Variants in PTPRT observed in about 807,000 individuals in gnomAD.
PTPRT encodes the protein protein tyrosine phosphatase receptor type T.
A neutral mutation model predicts 176.8 loss-of-function variants in PTPRT; 56 were observed. The ratio of observed to expected loss-of-function variants is 0.32; its 90% confidence interval spans 0.26 to 0.40. PTPRT has a LOEUF of 0.40. PTPRT is among the 10% of genes least tolerant of loss of function. PTPRT has a pLI of 1.00. For synonymous variants in PTPRT, 783 were observed against 739.0 expected (o/e 1.06, Z -0.96); for missense variants, 1,540 against 1,908.2 (o/e 0.81, Z 3.60).
intron 7 of PTPRT, among the ~76,000 whole-genome samples, chr20:42,657,223 G>C (rs1440727194): frequency 6.6e-6 from 1 of 152,170 alleles, no homozygotes; most frequent in African/African-American, 2.4e-5. Context: ...CCTAAGCCCT[G>C]TGGAACAGGG....
At chr20:42,647,415 C>G (rs1357791412) in intron 7 of PTPRT, among the ~76,000 whole-genome samples, 1 of 151,420 alleles carries the variant, frequency 6.6e-6, no homozygotes, top group Non-Finnish European at 1.5e-5. Context: ...TATGCTGTAC[C>G]CCTGGTGTCC....
chr20:42,537,752 A>G (rs1211865038), intron 7 of PTPRT, among the ~76,000 whole-genome samples: 4 of 152,228 alleles, frequency 2.6e-5, no homozygotes, highest in African/African-American at 9.6e-5. Flanking sequence ...ATCACGGTCC[A>G]GCGAGAAAAG....
At chr20:42,288,309 T>C (rs908014846) in intron 12 of PTPRT, among the ~76,000 whole-genome samples, 6 of 151,370 alleles carry the variant, frequency 4.0e-5, no homozygotes, top group African/African-American at 9.7e-5. Flanking sequence ...TCTCTTAAAA[T>C]GTGGTCACAA....
intron 7 of PTPRT, among the ~76,000 whole-genome samples, chr20:42,645,064 A>G (rs1486255613): frequency 1.3e-5 from 2 of 152,136 alleles, no homozygotes; most frequent in Non-Finnish European, 2.9e-5. Flanking sequence ...TTCACAGTGC[A>G]ATTTGTCACG....
intron 2 of PTPRT, among the ~76,000 whole-genome samples, chr20:42,881,410 C>A (rs537794366): frequency 1.3e-5 from 2 of 152,096 alleles, no homozygotes; most frequent in Non-Finnish European, 2.9e-5. Context: ...CTTGAGGAGT[C>A]CTGTGAGCTG....
chr20:43,104,710 A>G (rs2012526174), intron 1 of PTPRT, among the ~76,000 whole-genome samples: 1 of 152,190 alleles, frequency 6.6e-6, no homozygotes, highest in Non-Finnish European at 1.5e-5. Context: ...GAGAAGACTA[A>G]CATGGCAGAC....
intron 9 of PTPRT, among the ~76,000 whole-genome samples, chr20:42,404,972 T>TTATATATATATATATATATATTTA (rs200602736): frequency 1.3e-5 from 1 of 77,956 alleles, no homozygotes; most frequent in Non-Finnish European, 2.7e-5. Flanking sequence ...GGCCAATTAA[T>TTATATATATATATATATATATTTA]TATATATATA....
chr20:42,213,513 G>A (rs544439718), intron 15 of PTPRT, among the ~76,000 whole-genome samples: 1 of 152,298 alleles, frequency 6.6e-6, no homozygotes, highest in Non-Finnish European at 1.5e-5. Context: ...CAAAAGATAT[G>A]TTGAAGTCCT....
At chr20:43,178,712 G>T (rs2015179382) in intron 1 of PTPRT, among the ~76,000 whole-genome samples, 1 of 152,078 alleles carries the variant, frequency 6.6e-6, no homozygotes, top group African/African-American at 2.4e-5. Context: ...CAGCAGCCCT[G>T]ACCTAGACAC....
intron 1 of PTPRT, among the ~76,000 whole-genome samples, chr20:42,984,909 G>A (rs185960631): frequency 1.8e-3 from 274 of 152,282 alleles, no homozygotes; most frequent in Middle Eastern, 3.4e-3. Flanking sequence ...AAGTGCTAAC[G>A]ACAGAGGCTG....
At chr20:42,055,907 G>C in the PTPRT span, among the ~76,000 whole-genome samples, 2 of 152,196 alleles carry the variant, frequency 1.3e-5, no homozygotes, top group African/African-American at 4.8e-5. Flanking sequence ...GATGGGGGTC[G>C]ACTCCTTTGT....
intron 1 of PTPRT, among the ~76,000 whole-genome samples, chr20:42,994,135 A>T (rs568690812): frequency 6.6e-6 from 1 of 152,286 alleles, no homozygotes; most frequent in South Asian, 2.1e-4. Context: ...CATTTCATTG[A>T]TCTCTCCCTA....
chr20:42,202,961 G>A (rs917461398), intron 15 of PTPRT, among the ~76,000 whole-genome samples: 2 of 152,052 alleles, frequency 1.3e-5, no homozygotes, highest in Non-Finnish European at 2.9e-5. Flanking sequence ...ATTAAAAAAA[G>A]AAAAACTAAG....
chr20:43,047,717 A>G (rs1986892636), intron 1 of PTPRT, among the ~76,000 whole-genome samples: 1 of 151,540 alleles, frequency 6.6e-6, no homozygotes, highest in African/African-American at 2.4e-5. Context: ...GACACCGATG[A>G]CAATGATGAT....
chr20:42,640,540 T>A (rs2074719461), intron 7 of PTPRT, among the ~76,000 whole-genome samples: 1 of 152,032 alleles, frequency 6.6e-6, no homozygotes, highest in Non-Finnish European at 1.5e-5. Flanking sequence ...AGGTGTGCAT[T>A]ACCATGCCCA....
intron 6 of PTPRT, among the ~76,000 whole-genome samples, chr20:42,702,819 C>T (rs2075994173): frequency 6.6e-6 from 1 of 152,208 alleles, no homozygotes. Context: ...GATTCAAAGG[C>T]TCTACCTAAC....
chr20:42,367,431 T>A (rs1454156965), intron 9 of PTPRT, among the ~76,000 whole-genome samples: 1 of 152,166 alleles, frequency 6.6e-6, no homozygotes, highest in East Asian at 1.9e-4. Context: ...TAGCTGTTAT[T>A]TTAGGCACCT....
At position 42,913,457 on chromosome 20, in the gene PTPRT, AT is replaced by A. The variant is rs113394653; in HGVS notation, c.89-27526del. ...ATTGTCTTTTCTGTCTCCCTGCCTA[AT>A]TTTTTTTTTGTTTTTACAAGGATAC... On this transcript the variant is annotated intron_variant, in intron 1 of 30. Transcript: ENST00000373187. Among the ~76,000 whole-genome samples the A allele has an allele frequency of 2.6e-3, 385 of 149,482 alleles. 2 individuals are homozygous for A. Among genetic ancestry groups the A allele is most frequent in the African/African-American group, 8.9e-3 (366 of 40,898 alleles).
chr20:42,817,997 C>A (rs2145643503), intron 2 of PTPRT, among the ~76,000 whole-genome samples: 1 of 152,288 alleles, frequency 6.6e-6, no homozygotes, highest in South Asian at 2.1e-4. Context: ...CCCAGCAAAG[C>A]ACACCCTCTC....
Sources: allele counts gnomAD v4.1 joint callset (sites outside exome capture counted in the v4.1 genomes callset), GRCh38; gene constraint gnomAD v4.1.1; transcripts MANE v1.5; gene names NCBI Gene and HGNC (gene_info 2026-07-23, HGNC 2026-07-21).